The following POLN variants were observed in gnomAD, a reference collection of about 807,000 sequenced individuals.
POLN encodes the protein DNA polymerase nu.
POLN carries 108 observed loss-of-function variants against 113.5 expected under a neutral mutation model. The ratio of observed to expected loss-of-function variants is 0.95; its 90% CI spans 0.81 to 1.12. The LOEUF is 1.12. Among genes scored for constraint, POLN ranks in the 50% most tolerant of loss-of-function variants. POLN has a pLI of 0.00. For synonymous variants in POLN, 386 were observed against 391.5 expected, an observed-to-expected ratio of 0.99 and a Z score of 0.17; for missense variants, 1,097 against 1,077.1, an observed-to-expected ratio of 1.02 and a Z score of -0.26.
intron 19 of POLN, among the ~76,000 whole-genome samples, chr4:2,110,709 A>G (rs1731170539): frequency 6.6e-6 from 1 of 152,244 alleles, no homozygotes; most frequent in African/African-American, 2.4e-5. Context: ...GAATCTCTGA[A>G]TAGACCAATA....
rs1560988262 is a variant in POLN, at chr4:2,098,916, G to GCACA, written c.1983-2984_1983-2983insTGTG. On this transcript the variant is annotated intron_variant, in intron 19 of 25. Transcript: ENST00000511885. Reference sequence around the variant, plus strand: ...AATGTGTGTGCACATGCACGTGCGTGCGCACACACACACACACACACACAC... The same window carrying GCACA: ...AATGTGTGTGCACATGCACGTGCGTGCACACGCACACACACACACACACACACAC... Among the ~76,000 whole-genome samples, 6 of 48,056 alleles carry GCACA rather than the reference G, an allele frequency of 1.2e-4. No homozygotes were observed. The East Asian group carries it at 5.7e-3, about 45-fold the overall frequency. 31.5% of individuals were successfully genotyped at this position (48,056 alleles called of 152,430 possible).
At chr4:2,136,974 C>A (rs1731872848) in intron 16 of POLN, among the ~76,000 whole-genome samples, 1 of 152,242 alleles carries the variant, frequency 6.6e-6, no homozygotes, top group Admixed American at 6.5e-5. Flanking sequence ...CCACACGTGC[C>A]AGGCTGTGTG....
At chr4:2,149,249 G>T (rs186653709) in intron 16 of POLN, among the ~76,000 whole-genome samples, 2 of 152,054 alleles carry the variant, frequency 1.3e-5, no homozygotes, top group African/African-American at 4.8e-5. Context: ...AGCTGAGATC[G>T]CACCATTGCA....
At chr4:2,095,734 T>A in intron 20 of POLN, 117 bp downstream of exon 20, 1 of 921,074 alleles carries the variant, frequency 1.1e-6, no homozygotes, top group South Asian at 1.3e-5. Flanking sequence ...CATCAGAGCA[T>A]AAACAACACC....
intron 19 of POLN, among the ~76,000 whole-genome samples, chr4:2,122,907 C>T (rs1731482799): frequency 6.6e-6 from 1 of 152,214 alleles, no homozygotes; most frequent in South Asian, 2.1e-4. Flanking sequence ...AATCCCAGCA[C>T]TTTGGGAGGC....
intron 11 of POLN, among the ~76,000 whole-genome samples, chr4:2,171,752 C>A (rs929605249): frequency 1.3e-5 from 2 of 152,058 alleles, no homozygotes; most frequent in Non-Finnish European, 2.9e-5. Context: ...CCAGCCTGGG[C>A]AACATAGTGA....
chr4:2,079,390 A>G, intron 23 of POLN: 4 of 970,660 alleles, frequency 4.1e-6, no homozygotes, highest in Non-Finnish European at 4.9e-6. Context: ...CATGGATTTC[A>G]GGACACCATG....
chr4:2,157,512 G>A (rs182699537), intron 15 of POLN, among the ~76,000 whole-genome samples: 65 of 152,090 alleles, frequency 4.3e-4, no homozygotes, highest in Admixed American at 8.5e-4. Context: ...AGATCACGAC[G>A]TAAGAGTTTG....
intron 8 of POLN, among the ~76,000 whole-genome samples, chr4:2,178,616 T>G (rs1364458966): frequency 7.3e-6 from 1 of 137,800 alleles, no homozygotes; most frequent in African/African-American, 2.5e-5. Flanking sequence ...CCAAGACAGT[T>G]TTTTTTTTTT....
intron 2 of POLN, among the ~76,000 whole-genome samples, chr4:2,239,680 C>T (rs1308462623): frequency 6.6e-6 from 1 of 152,136 alleles, no homozygotes; most frequent in African/African-American, 2.4e-5. Context: ...TTGGAGCAAA[C>T]GAGGCAGAAT....
intron 21 of POLN, among the ~76,000 whole-genome samples, chr4:2,083,713 C>T (rs939323411): frequency 3.3e-5 from 5 of 152,268 alleles, no homozygotes; most frequent in Non-Finnish European, 7.3e-5. Flanking sequence ...GCACACCACA[C>T]ACAGAGAAAG....
In POLN at chr4:2,113,324, C is replaced by A. The variant is rs534833023; in HGVS notation, c.1982+14789G>T. ...ATGGGTGCAGCACACCAACATGGCA[C>A]ATATATACATATGTAACAAACCTGC... On this transcript the variant is annotated intron_variant, in intron 19 of 25. Coordinates refer to ENST00000511885, the MANE Select transcript of POLN (RefSeq NM_181808.4). 3.0e-4 allele frequency among the ~76,000 whole-genome samples: 45 copies of A among 151,478 alleles called. 1 individual carries two copies. Among genetic ancestry groups the A allele is most frequent in the Admixed American group, 2.7e-3 (41 of 15,240 alleles).
chr4:2,133,995 A>G (rs751335877), intron 16 of POLN, among the ~76,000 whole-genome samples: 1 of 152,238 alleles, frequency 6.6e-6, no homozygotes, highest in African/African-American at 2.4e-5. Flanking sequence ...CCGGAGCTTT[A>G]CTTATCCAAC....
At chr4:2,107,363 C>T (rs1430951193) in intron 19 of POLN, among the ~76,000 whole-genome samples, 1 of 152,182 alleles carries the variant, frequency 6.6e-6, no homozygotes, top group Non-Finnish European at 1.5e-5. Context: ...TACATACTAG[C>T]AGCAATAGTA....
Position 2,229,069 on chromosome 4 carries a change from G to A in POLN, c.133+30C>T, listed in dbSNP as rs780592787. 10 of 1,554,028 alleles carry A rather than the reference G, an allele frequency of 6.4e-6. No individual in the cohort carries two copies. In the Admixed American group the frequency reaches 1.5e-4, roughly 23 times the overall value. On this transcript the variant is annotated intron_variant, in intron 3 of 25. Coordinates refer to ENST00000511885, the MANE Select transcript of POLN (RefSeq NM_181808.4). ...GAACAATTAACATTCAAAGTATCAAGAGAAAGAAAGGTTCATAAAAATTAC... is the reference window on the plus strand; with the variant it reads ...GAACAATTAACATTCAAAGTATCAAAAGAAAGAAAGGTTCATAAAAATTAC...
At chr4:2,113,653 T>A (rs988577965) in intron 19 of POLN, among the ~76,000 whole-genome samples, 4 of 149,878 alleles carry the variant, frequency 2.7e-5, no homozygotes, top group Non-Finnish European at 4.4e-5. Context: ...AGGTCAGGAG[T>A]TTGAGGCCAG....
At chr4:2,192,754 G>C (rs183832311) in intron 7 of POLN, among the ~76,000 whole-genome samples, 1 of 151,864 alleles carries the variant, frequency 6.6e-6, no homozygotes, top group African/African-American at 2.4e-5. Context: ...GATGGCTTGA[G>C]GCCAGCAGTT....
At chr4:2,237,474 G>A (rs947067207) in intron 2 of POLN, among the ~76,000 whole-genome samples, 1 of 151,022 alleles carries the variant, frequency 6.6e-6, no homozygotes, top group African/African-American at 2.4e-5. Flanking sequence ...GGAAAGAAGA[G>A]AGAAAGAGAG....
rs146666342 is a variant in POLN at position 2,093,378 on chromosome 4, G to T, written c.2065+2473C>A. Among the ~76,000 whole-genome samples the T allele has an allele frequency of 3.3e-5, 5 of 152,316 alleles. No individual in the cohort carries two copies. The highest frequency in any genetic ancestry group is 7.3e-5 in the Non-Finnish European group (5 of 68,032). On this transcript the variant is annotated intron_variant, in intron 20 of 25. Transcript: ENST00000511885. This position sits in a 1 kb window ranked among gnomAD's most constrained non-coding sequence, Gnocchi z 4.1. ...AAGTGAAGTAGGACTCAGACGTAAC[G>T]GCAGATGACAGAGATGAGAGCTGAC...
Sources: allele counts gnomAD v4.1 joint callset (sites outside exome capture counted in the v4.1 genomes callset), GRCh38; gene constraint gnomAD v4.1.1; non-coding constraint Gnocchi (gnomAD v3.1); transcripts MANE v1.5; gene names NCBI Gene and HGNC (gene_info 2026-07-23, HGNC 2026-07-21).